The following ABCA3 variants were observed in gnomAD, a reference collection of about 807,000 sequenced individuals.
ABCA3 encodes the protein ATP binding cassette subfamily A member 3, also known as phospholipid-transporting ATPase ABCA3.
ABCA3 carries 88 observed loss-of-function variants against 172.8 expected under a neutral mutation model. The ratio of observed to expected loss-of-function variants is 0.51; its 90% confidence interval spans 0.43 to 0.61. ABCA3 has a LOEUF of 0.61. Among genes scored for constraint, ABCA3 ranks in the 20% least tolerant of loss-of-function variants. ABCA3 has a pLI of 0.00. For missense variants in ABCA3, 2,164 were observed against 2,301.0 expected, an observed-to-expected ratio of 0.94 and a Z score of 1.22; for synonymous variants, 1,066 against 983.8, an observed-to-expected ratio of 1.08 and a Z score of -1.56.
chr16:2,283,435 C>A lies in ABCA3; in HGVS notation c.3863-77G>T. 6.5e-7 allele frequency: 1 copy of A among 1,531,424 alleles called. No homozygotes were observed. The highest frequency in any genetic ancestry group is 1.2e-5 in the South Asian group (1 of 84,288). The allele number at this position is 1,531,424 out of a possible 1,614,324, so 94.9% of individuals were successfully genotyped here. On this transcript the variant is annotated intron_variant, in intron 25 of 32. Coordinates refer to ENST00000301732, the MANE Select transcript of ABCA3 (RefSeq NM_001089.3). The surrounding 1 kb of genome is among the most constrained non-coding windows in gnomAD (Gnocchi z 5.4). Reference sequence around the variant, plus strand: ...CTTCCAGGTTCCCGGCCCCCACTCCCCTCCCCAGGCTGCTCAAGGCGCCTG... The same window carrying A: ...CTTCCAGGTTCCCGGCCCCCACTCCACTCCCCAGGCTGCTCAAGGCGCCTG...
At chr16:2,292,306 T>C in intron 18 of ABCA3, 68 bp from the exon 19 acceptor site, 1 of 1,396,480 alleles carries the variant, frequency 7.2e-7, no homozygotes, top group Non-Finnish European at 1.0e-6. Context: ...TCCTAAAGCA[T>C]CACCCCCCCT....
chr16:2,304,917 C>A lies in ABCA3; in HGVS notation c.1286-767G>T, dbSNP rs1162476713. ...GTCTCGATCTCCTGACCTTGTGATT[C>A]GCCTGCCTCGGCCTCCCAAAGCGCT... On this transcript the variant is annotated intron_variant, in intron 11 of 32. Coordinates refer to ENST00000301732, the MANE Select transcript of ABCA3 (RefSeq NM_001089.3). Among the ~76,000 whole-genome samples, 4 of 152,134 alleles carry A rather than the reference C, an allele frequency of 2.6e-5. No individual in the cohort carries two copies. In the East Asian group the frequency reaches 7.7e-4, roughly 29 times the overall value.
At chr16:2,294,549 A>G (rs917559155) in intron 18 of ABCA3, among the ~76,000 whole-genome samples, 1 of 152,090 alleles carries the variant, frequency 6.6e-6, no homozygotes, top group Admixed American at 6.6e-5. Flanking sequence ...CTAGCCGGAC[A>G]TGTTGATACA....
rs539560112 is a variant in ABCA3 at position 2,277,159 on chromosome 16, A to C, written c.4984-354T>G. The stretch of plus-strand genomic sequence containing the variant: ...AGCCCAGGCTGGAGTGCAGTGGCAC[A>C]ATCATAGCTCACTGCAGTCTCGAAC... On this transcript the variant is annotated intron_variant, in intron 32 of 32. Coordinates refer to ENST00000301732, the MANE Select transcript of ABCA3 (RefSeq NM_001089.3). This position sits in a 1 kb window ranked among gnomAD's most constrained non-coding sequence, Gnocchi z 5.3. Among the ~76,000 whole-genome samples the C allele has an allele frequency of 6.6e-6, 1 of 152,234 alleles. No individual in the cohort carries two copies.
In ABCA3 at chr16:2,277,706, G is replaced by A. The variant is rs777322287; in HGVS notation, c.4910-36C>T. 9.3e-6 allele frequency: 15 copies of A among 1,611,546 alleles called. No homozygotes were observed. Among genetic ancestry groups the A allele is most frequent in the South Asian group, 4.4e-5 (4 of 90,900 alleles). On this transcript the variant is annotated intron_variant, in intron 31 of 32. Coordinates refer to ENST00000301732, the MANE Select transcript of ABCA3 (RefSeq NM_001089.3). This position sits in a 1 kb window ranked among gnomAD's most constrained non-coding sequence, Gnocchi z 5.3. Reference sequence around the variant, plus strand: ...GAGAGACGGTGTTGCTGTGAGCGCCGGGCTGGAGGATCGGGGAGGGTGCCT... The same window carrying A: ...GAGAGACGGTGTTGCTGTGAGCGCCAGGCTGGAGGATCGGGGAGGGTGCCT...
chr16:2,312,724 G>C (rs1447720300), intron 10 of ABCA3, among the ~76,000 whole-genome samples: 1 of 151,850 alleles, frequency 6.6e-6, no homozygotes, highest in African/African-American at 2.4e-5. Context: ...TAGAGACGGG[G>C]TTTCACCATG....
intron 18 of ABCA3, among the ~76,000 whole-genome samples, chr16:2,295,180 G>A (rs1436970787): frequency 1.3e-5 from 2 of 152,136 alleles, no homozygotes; most frequent in Non-Finnish European, 2.9e-5. Flanking sequence ...ACAGTGATGA[G>A]CAGGTGGTAA....
In ABCA3 at chr16:2,300,658, G is replaced by A. The variant is rs45471998; in HGVS notation, c.1468-510C>T. ...GTGGCCATCACAGAAATAACTCAGT[G>A]CATGGGGTAAGAACACAGGCACACA... On this transcript the variant is annotated intron_variant, in intron 12 of 32. Transcript: ENST00000301732. Among the ~76,000 whole-genome samples the A allele has an allele frequency of 3.2e-3, 482 of 152,318 alleles. 2 individuals are homozygous for A. The highest frequency in any genetic ancestry group is 0.011 in the African/African-American group (469 of 41,568).
intron 10 of ABCA3, among the ~76,000 whole-genome samples, chr16:2,314,283 C>A (rs1395542608): frequency 1.3e-5 from 2 of 152,144 alleles, no homozygotes; most frequent in African/African-American, 4.8e-5. Context: ...GGAATATCAT[C>A]TAGCCTTGAA....
Position 2,277,728 on chromosome 16 carries a change from G to A in ABCA3, c.4910-58C>T. ...GCCGGGCTGGAGGATCGGGGAGGGTGCCTGGGTGCTCAGCACTGGAGTCCT... is the reference window on the plus strand; with the variant it reads ...GCCGGGCTGGAGGATCGGGGAGGGTACCTGGGTGCTCAGCACTGGAGTCCT... On this transcript the variant is annotated intron_variant, in intron 31 of 32. Transcript: ENST00000301732. This position sits in a 1 kb window ranked among gnomAD's most constrained non-coding sequence, Gnocchi z 5.3. 6.2e-7 allele frequency: 1 copy of A among 1,606,026 alleles called. No homozygotes were observed.
At chr16:2,280,432 G>C (rs866343841) in intron 28 of ABCA3, among the ~76,000 whole-genome samples, 1 of 152,204 alleles carries the variant, frequency 6.6e-6, no homozygotes, top group South Asian at 2.1e-4. Flanking sequence ...CCTAGGATGA[G>C]GCTTTCCTCC....
intron 1 of ABCA3, chr16:2,332,328 C>A: frequency 1.4e-6 from 1 of 717,964 alleles, no homozygotes; most frequent in South Asian, 1.6e-5. Context: ...GGTAGGATTT[C>A]TAGTAGCGAG....
chr16:2,334,391 G>C (rs1384948964), intron 1 of ABCA3, among the ~76,000 whole-genome samples: 2 of 152,116 alleles, frequency 1.3e-5, no homozygotes, highest in African/African-American at 4.8e-5. Flanking sequence ...TGCTGGGTGA[G>C]GGTGACTGGT....
chr16:2,332,570 G>A (rs1435927207), intron 1 of ABCA3: 35 of 1,283,070 alleles, frequency 2.7e-5, no homozygotes, highest in Admixed American at 3.5e-5. Context: ...CCAGCAAATC[G>A]CTCCTTGCTG....
Position 2,284,349 on chromosome 16 carries a change from G to A in ABCA3, c.3792C>T (p.Phe1264=), listed in dbSNP as rs773427768. The A allele has an allele frequency of 4.3e-6, 7 of 1,613,990 alleles. No homozygotes were observed. Among genetic ancestry groups the A allele is most frequent in the Non-Finnish European group, 5.1e-6 (6 of 1,179,996 alleles). ...NHCLGMAVSS[F]YENYETRRYC... is the part of the protein sequence containing the mutation. ...ACCTCCGCGTCTCGTAGTTCTCGTAGAAACTGCTGACTGCCATCCCCAGAC... is the reference window on the plus strand; with the variant it reads ...ACCTCCGCGTCTCGTAGTTCTCGTAAAAACTGCTGACTGCCATCCCCAGAC... The change falls in exon 25 of 33, where the codon TTC becomes TTT. Residue 1264 remains phenylalanine (F), a synonymous_variant. Coordinates refer to ENST00000301732, the MANE Select transcript of ABCA3 (RefSeq NM_001089.3). The surrounding 1 kb of genome is among the most constrained non-coding windows in gnomAD (Gnocchi z 5.9).
intron 17 of ABCA3, among the ~76,000 whole-genome samples, chr16:2,296,893 G>A (rs553790362): frequency 1.1e-4 from 17 of 152,312 alleles, no homozygotes; most frequent in Middle Eastern, 3.4e-3. Flanking sequence ...CACCCAGATC[G>A]TGCTGGACCA....
rs74506336 is a variant in ABCA3, at chr16:2,280,598, C to T, written c.4359+429G>A. On this transcript the variant is annotated intron_variant, in intron 28 of 32. Transcript: ENST00000301732. ...CACACTTGAATTCCCATGCAGGCCC[C>T]GGGCAGAGGTGCAGGAGGGCTGCCT... 1.4e-4 allele frequency among the ~76,000 whole-genome samples: 21 copies of T among 152,286 alleles called. No individual in the cohort carries two copies. In the East Asian group the frequency reaches 3.1e-3, roughly 22 times the overall value.
rs916241857 is a variant in ABCA3, at chr16:2,284,109, G to A, written c.3862+170C>T. On this transcript the variant is annotated intron_variant, in intron 25 of 32. Coordinates refer to ENST00000301732, the MANE Select transcript of ABCA3 (RefSeq NM_001089.3). The surrounding 1 kb of genome is among the most constrained non-coding windows in gnomAD (Gnocchi z 5.9). ...GAGCTCAGGTACAGGGCCTGGGAGC[G>A]AGCGGGCGCGAGGGGGCTGCTGTGG... 1.3e-5 allele frequency: 10 copies of A among 764,214 alleles called. No individual in the cohort carries two copies. The highest frequency in any genetic ancestry group is 3.9e-4 in the Middle Eastern group (1 of 2,578). The allele number at this position is 764,214 out of a possible 1,614,324, so 47.3% of individuals were successfully genotyped here.
intron 11 of ABCA3, among the ~76,000 whole-genome samples, chr16:2,304,401 A>C (rs182375391): frequency 6.6e-6 from 1 of 151,902 alleles, no homozygotes; most frequent in Non-Finnish European, 1.5e-5. Context: ...GCTTGCATTT[A>C]ATCTGTGACA....
Sources: allele counts gnomAD v4.1 joint callset (sites outside exome capture counted in the v4.1 genomes callset), GRCh38; gene constraint gnomAD v4.1.1; non-coding constraint Gnocchi (gnomAD v3.1); transcripts MANE v1.5; gene names NCBI Gene and HGNC (gene_info 2026-07-23, HGNC 2026-07-21).